The following RNLS variants were observed in gnomAD, a reference collection of about 807,000 sequenced individuals.
RNLS encodes renalase, FAD dependent amine oxidase.
RNLS carries 39 observed loss-of-function variants against 39.8 expected under a neutral mutation model. The ratio of observed to expected loss-of-function variants is 0.98; its 90% CI spans 0.76 to 1.28. RNLS has a LOEUF of 1.28. Among genes scored for constraint, RNLS ranks in the 50% most tolerant of loss-of-function variants. The pLI is 0.00. For synonymous variants in RNLS, 147 were observed against 150.7 expected (o/e 0.98, Z 0.18); for missense variants, 410 against 413.3 (o/e 0.99, Z 0.07).
chr10:88,224,130 C>T, the RNLS span, among the ~76,000 whole-genome samples: 2 of 151,624 alleles, frequency 1.3e-5, no homozygotes. Flanking sequence ...AACAAAATAC[C>T]TTAAACTGGG....
At chr10:88,489,126 A>G (rs1844743742) in intron 4 of RNLS, among the ~76,000 whole-genome samples, 1 of 152,182 alleles carries the variant, frequency 6.6e-6, no homozygotes, top group South Asian at 2.1e-4. Flanking sequence ...CTATACTTTC[A>G]ATTTAAAAAA....
intron 5 of RNLS, among the ~76,000 whole-genome samples, chr10:88,362,157 G>A (rs1468632465): frequency 6.6e-6 from 1 of 151,730 alleles, no homozygotes; most frequent in Non-Finnish European, 1.5e-5. Flanking sequence ...TCTAGCCGAG[G>A]GAGTGGAAGA....
intron 4 of RNLS, among the ~76,000 whole-genome samples, chr10:88,570,441 G>A (rs1849757450): frequency 6.6e-6 from 1 of 152,164 alleles, no homozygotes; most frequent in Admixed American, 6.5e-5. Flanking sequence ...CATTCAGTTG[G>A]TCAGTTGGTC....
intron 4 of RNLS, among the ~76,000 whole-genome samples, chr10:88,468,643 A>C (rs1027311655): frequency 5.3e-5 from 8 of 152,190 alleles, no homozygotes; most frequent in Non-Finnish European, 1.2e-4. Flanking sequence ...TTTGAGGGAA[A>C]TAAGGCTTTT....
chr10:88,540,604 C>G (rs971054618), intron 4 of RNLS, among the ~76,000 whole-genome samples: 1 of 152,104 alleles, frequency 6.6e-6, no homozygotes, highest in African/African-American at 2.4e-5. Context: ...GTGGCTACAA[C>G]AGCAATTTGA....
chr10:88,290,339 C>A (rs749376310), intron 6 of RNLS, among the ~76,000 whole-genome samples: 3 of 152,116 alleles, frequency 2.0e-5, no homozygotes, highest in Non-Finnish European at 4.4e-5. Flanking sequence ...TGAAACATGG[C>A]AACAGGTGAC....
chr10:88,234,986 G>A, the RNLS span, among the ~76,000 whole-genome samples: 1 of 151,928 alleles, frequency 6.6e-6, no homozygotes, highest in Non-Finnish European at 1.5e-5. Flanking sequence ...CATGGGCCGG[G>A]CGCGGTGGCT....
intron 4 of RNLS, among the ~76,000 whole-genome samples, chr10:88,370,170 C>G (rs754423543): frequency 2.0e-5 from 3 of 151,920 alleles, no homozygotes; most frequent in Non-Finnish European, 4.4e-5. Context: ...ATCCATGGGC[C>G]CAGGAGTATG....
chr10:88,470,710 G>T (rs188595739), intron 4 of RNLS, among the ~76,000 whole-genome samples: 1 of 151,316 alleles, frequency 6.6e-6, no homozygotes, highest in Non-Finnish European at 1.5e-5. Context: ...CCACCTCCTG[G>T]ATTCAAGCAA....
intron 5 of RNLS, among the ~76,000 whole-genome samples, chr10:88,343,044 C>T (rs1848068092): frequency 6.6e-6 from 1 of 152,102 alleles, no homozygotes; most frequent in Non-Finnish European, 1.5e-5. Context: ...CATCTGCTGA[C>T]CCCTGTACTA....
intron 6 of RNLS, among the ~76,000 whole-genome samples, chr10:88,314,104 G>A (rs1845576105): frequency 6.6e-6 from 1 of 152,176 alleles, no homozygotes; most frequent in Admixed American, 6.5e-5. Flanking sequence ...ATCTTGGGAA[G>A]TTATAGTGGT....
In RNLS at chr10:88,510,003, T is replaced by A. The variant is rs182475589; in HGVS notation, c.526+62900A>T. Among the ~76,000 whole-genome samples the A allele has an allele frequency of 5.9e-5, 9 of 152,306 alleles. No homozygotes were observed. The East Asian group carries it at 1.7e-3, about 29-fold the overall frequency. The stretch of plus-strand genomic sequence containing the variant: ...TGTGGCTATGTCCAAATGACCATTG[T>A]AAGTAATCCCCTAGGATATTAACAT... On this transcript the variant is annotated intron_variant, in intron 4 of 6. Transcript: ENST00000331772.
In RNLS at chr10:88,485,570, G is replaced by A. The variant is rs146053492; in HGVS notation, c.526+87333C>T. Reference sequence around the variant, plus strand: ...ATAATAAAAGAATTACTCCAATATTGCCATACCAGATCACTCTTCTTTTTA... The same window carrying A: ...ATAATAAAAGAATTACTCCAATATTACCATACCAGATCACTCTTCTTTTTA... On this transcript the variant is annotated intron_variant, in intron 4 of 6. Transcript: ENST00000331772. 3.6e-3 allele frequency among the ~76,000 whole-genome samples: 530 copies of A among 147,192 alleles called. 1 individual carries two copies. Among genetic ancestry groups the A allele is most frequent in the South Asian group, 0.018 (84 of 4,656 alleles).
intron 5 of RNLS, among the ~76,000 whole-genome samples, chr10:88,345,858 C>A (rs1453263529): frequency 6.6e-6 from 1 of 151,762 alleles, no homozygotes; most frequent in Non-Finnish European, 1.5e-5. Flanking sequence ...ATATCATATG[C>A]TTCAACCTAA....
chr10:88,435,436 T>C (rs1855415084), intron 4 of RNLS, among the ~76,000 whole-genome samples: 1 of 129,642 alleles, frequency 7.7e-6, no homozygotes, highest in African/African-American at 2.8e-5. Flanking sequence ...TATTTGGGGG[T>C]AAACCAAAAA....
At chr10:88,511,542 T>C (rs751662814) in intron 4 of RNLS, among the ~76,000 whole-genome samples, 1 of 152,086 alleles carries the variant, frequency 6.6e-6, no homozygotes, top group Non-Finnish European at 1.5e-5. Context: ...CTTAATGTCC[T>C]GAAACTGGAT....
intron 4 of RNLS, among the ~76,000 whole-genome samples, chr10:88,384,189 A>C (rs1007857317): frequency 6.6e-6 from 1 of 152,202 alleles, no homozygotes; most frequent in Non-Finnish European, 1.5e-5. Flanking sequence ...TCCCTGACAT[A>C]GACTATTCTC....
At chr10:88,462,779 C>G (rs777021476) in intron 4 of RNLS, among the ~76,000 whole-genome samples, 3 of 151,588 alleles carry the variant, frequency 2.0e-5, no homozygotes, top group Non-Finnish European at 2.9e-5. Context: ...GGATCAAAAA[C>G]TTATCAAGAA....
chr10:88,446,783 A>T (rs989559085), intron 4 of RNLS, among the ~76,000 whole-genome samples: 71 of 152,340 alleles, frequency 4.7e-4, no homozygotes, highest in Admixed American at 2.8e-3. Context: ...TGGCAAACTG[A>T]ATCCAGCAAC....
Sources: allele counts gnomAD v4.1 joint callset (sites outside exome capture counted in the v4.1 genomes callset), GRCh38; gene constraint gnomAD v4.1.1; transcripts MANE v1.5; gene names NCBI Gene and HGNC (gene_info 2026-07-23, HGNC 2026-07-21).